Variants in PCIF1 observed in about 807,000 individuals in gnomAD.
PCIF1 encodes mRNA (2'-O-methyladenosine-N(6)-)-methyltransferase.
Under a neutral mutation model 86.9 loss-of-function variants are expected in PCIF1, and 12 were observed. The observed-to-expected ratio is 0.14, with a 90% CI of 0.09 to 0.22. The LOEUF (loss-of-function observed/expected upper bound fraction) is 0.22. Among genes scored for constraint, PCIF1 ranks in the 10% least tolerant of loss-of-function variants. PCIF1 has a pLI of 1.00. For synonymous variants in PCIF1, 397 were observed against 372.0 expected (o/e 1.07, Z -0.77); for missense variants, 701 against 951.1 (o/e 0.74, Z 3.46).
chr20:45,945,578 T>C, intron 11 of PCIF1, 133 bp from the exon 12 acceptor site: 2 of 1,138,154 alleles, frequency 1.8e-6, no homozygotes, highest in Non-Finnish European at 2.4e-6. Context: ...TTCATTCCCT[T>C]TCTACTGAAC....
intron 7 of PCIF1, among the ~76,000 whole-genome samples, chr20:45,941,548 G>A (rs1200838283): frequency 1.3e-5 from 2 of 152,004 alleles, no homozygotes; most frequent in Non-Finnish European, 2.9e-5. Flanking sequence ...CCTCCTCCTG[G>A]GTCCCGGTTC....
intron 7 of PCIF1, 123 bp downstream of exon 7, chr20:45,941,330 C>T (rs2083468027): frequency 1.0e-5 from 12 of 1,150,026 alleles, no homozygotes; most frequent in Non-Finnish European, 1.5e-5. Context: ...CACACCAGTG[C>T]ACTCCAGCCT....
In PCIF1 at chr20:45,947,327, C is replaced by A. The variant is rs1179078263; in HGVS notation, c.1772C>A (p.Pro591His). Residue 591 changes from proline to histidine, a missense_variant, in exon 16 of 17, where the codon CCC becomes CAC. Coordinates refer to ENST00000372409, the MANE Select transcript of PCIF1 (RefSeq NM_022104.4). This position sits in a 1 kb window ranked among gnomAD's most constrained non-coding sequence, Gnocchi z 5.4. The stretch of plus-strand genomic sequence containing the variant: ...GTGTTCATCCCTGAGTGGCGGGAAC[C>A]CCCAACACCAGCGCTCACCCGCATG... Reference protein sequence around the residue: ...FIVFIPEWREPPTPALTRMEQ... With the variant: ...FIVFIPEWREHPTPALTRMEQ... 4.3e-6 allele frequency: 7 copies of A among 1,614,008 alleles called. No homozygotes were observed. Among genetic ancestry groups the A allele is most frequent in the Non-Finnish European group, 5.1e-6 (6 of 1,180,002 alleles).
intron 1 of PCIF1, among the ~76,000 whole-genome samples, chr20:45,935,775 GTATT>G (rs1443133990): frequency 2.6e-5 from 4 of 151,648 alleles, no homozygotes; most frequent in African/African-American, 9.7e-5. Flanking sequence ...CCTCACCTCC[GTATT>G]TATTTCTGGC....
rs186791895 is a variant in PCIF1 at position 45,942,595 on chromosome 20, G to A, written c.674-502G>A. 8.4e-4 allele frequency among the ~76,000 whole-genome samples: 127 copies of A among 152,034 alleles called. No homozygotes were observed. The Middle Eastern group carries it at 0.01, about 12-fold the overall frequency. ...CTCCTGAAGTGCTGGGATTACAGGCGTGAGCCACTGCGCCCAGCCTTTTTA... is the reference window on the plus strand; with the variant it reads ...CTCCTGAAGTGCTGGGATTACAGGCATGAGCCACTGCGCCCAGCCTTTTTA... On this transcript the variant is annotated intron_variant, in intron 7 of 16. Transcript: ENST00000372409.
At position 45,946,072 on chromosome 20, in the gene PCIF1, A is replaced by G. The variant is rs750139303; in HGVS notation, c.1385A>G (p.Glu462Gly). The part of the protein sequence containing the change: ...RYSCIDDSAF[E>G]RFLPRVWCLL... ...AGCTGCATTGATGACTCTGCCTTTG[A>G]GAGGTTCCTGCCCCGGGTCTGGTGT... Residue 462 changes from glutamate to glycine, a missense_variant, in exon 13 of 17, where the codon GAG (glutamate) becomes GGG (glycine). Glu to Gly is a moderately conservative substitution (Grantham distance 98). Coordinates refer to ENST00000372409, the MANE Select transcript of PCIF1 (RefSeq NM_022104.4). 1.9e-6 allele frequency: 3 copies of G among 1,614,078 alleles called. No homozygotes were observed. The highest frequency in any genetic ancestry group is 2.7e-5 in the African/African-American group (2 of 75,018).
intron 2 of PCIF1, 190 bp downstream of exon 2, chr20:45,937,775 C>T (rs2083439092): frequency 2.5e-6 from 1 of 392,452 alleles, no homozygotes; most frequent in South Asian, 1.4e-4. Context: ...GCATTTTTAT[C>T]TGCCAAACTG....
chr20:45,939,463 A>G (rs2083451948), intron 4 of PCIF1, 124 bp downstream of exon 4: 1 of 1,390,690 alleles, frequency 7.2e-7, no homozygotes, highest in Non-Finnish European at 9.8e-7. Context: ...TACAATGACA[A>G]GCAAGACAGA....
chr20:45,939,492 G>GTGCAAGT (rs2083452251), intron 4 of PCIF1, among the ~76,000 whole-genome samples, 153 bp downstream of exon 4: 1 of 152,212 alleles, frequency 6.6e-6, no homozygotes, highest in South Asian at 2.1e-4. Flanking sequence ...CTGCCCTCAT[G>GTGCAAGT]GAACCTACAC....
intron 2 of PCIF1, among the ~76,000 whole-genome samples, chr20:45,938,651 G>A (rs138682677): frequency 2.0e-5 from 3 of 152,304 alleles, no homozygotes; most frequent in African/African-American, 7.2e-5. Flanking sequence ...TACGACAGAG[G>A]TGTTCACGGC....
At chr20:45,939,385 A>G (rs756504515) in intron 4 of PCIF1, 46 bp downstream of exon 4, 1 of 1,608,220 alleles carries the variant, frequency 6.2e-7, no homozygotes, top group Non-Finnish European at 8.5e-7. Flanking sequence ...GGCCTCTGGC[A>G]CCTGGGCCTT....
rs746785031 is a variant in PCIF1, at chr20:45,946,208, C to T, written c.1437C>T (p.Phe479=). ...WCLLRRYQMM[F]GVGLYEGTGL... is the part of the protein sequence containing the mutation. ...CGGTGGCCACTCCGCAGATGATGTT[C>T]GGCGTGGGCCTCTACGAGGGGACTG... Residue 479 remains phenylalanine (F), a synonymous_variant, in exon 14 of 17, where the codon TTC becomes TTT. Transcript: ENST00000372409. The T allele has an allele frequency of 6.2e-6, 10 of 1,614,174 alleles. No individual in the cohort carries two copies. Among genetic ancestry groups the T allele is most frequent in the East Asian group, 4.5e-5 (2 of 44,888 alleles).
chr20:45,941,027 C>G, intron 6 of PCIF1, 26 bp from the exon 7 acceptor site: 1 of 1,614,170 alleles, frequency 6.2e-7, no homozygotes, highest in Non-Finnish European at 8.5e-7. Flanking sequence ...GCAGGACATC[C>G]TCATCACTCC....
chr20:45,943,811 C>A lies in PCIF1; in HGVS notation c.1005+46C>A. 6.8e-7 allele frequency: 1 copy of A among 1,478,804 alleles called. No homozygotes were observed. The highest frequency in any genetic ancestry group is 9.2e-7 in the Non-Finnish European group (1 of 1,084,662). The allele number at this position is 1,478,804 out of a possible 1,614,324, so 91.6% of individuals were successfully genotyped here. ...GAAGGCCAGTTTTAGGGCTCTGTGG[C>A]CACTTCCTCCAGGAAGCCTACTCTG... On this transcript the variant is annotated intron_variant, in intron 10 of 16. Coordinates refer to ENST00000372409, the MANE Select transcript of PCIF1 (RefSeq NM_022104.4). The surrounding 1 kb of genome is among the most constrained non-coding windows in gnomAD (Gnocchi z 5.5).
At chr20:45,940,720 T>C in intron 5 of PCIF1, 89 bp from the exon 6 acceptor site, 26 of 1,569,120 alleles carry the variant, frequency 1.7e-5, no homozygotes, top group Non-Finnish European at 2.2e-5. Context: ...GAGGGGGGCC[T>C]GGGACACAGT....
chr20:45,936,319 C>T (rs1001315080), intron 1 of PCIF1, among the ~76,000 whole-genome samples: 1 of 150,114 alleles, frequency 6.7e-6, no homozygotes, highest in Non-Finnish European at 1.5e-5. Context: ...GGACTACAGG[C>T]TCCCGCCACC....
Position 45,934,707 on chromosome 20 carries a change from G to A in PCIF1, c.-285G>A, listed in dbSNP as rs182962162. 9.8e-5 allele frequency: 39 copies of A among 398,842 alleles called. No individual in the cohort carries two copies. The highest frequency in any genetic ancestry group is 2.6e-4 in the Admixed American group (6 of 22,730). The allele number at this position is 398,842 out of a possible 1,614,324, so 24.7% of individuals were successfully genotyped here. On this transcript the variant is annotated 5_prime_UTR_variant, in exon 1 of 17. Coordinates refer to ENST00000372409, the MANE Select transcript of PCIF1 (RefSeq NM_022104.4). ...CGCGGAGTCCCGGCCCGGGACACAA[G>A]ATGGCGGCAGCGGCGCTGGGGAGGG...
chr20:45,944,795 C>T, intron 10 of PCIF1, 73 bp from the exon 11 acceptor site: 1 of 1,526,012 alleles, frequency 6.6e-7, no homozygotes, highest in South Asian at 1.2e-5. Context: ...TCCAACAGCC[C>T]TGCGGTTACC....
In PCIF1 at chr20:45,947,761, C is replaced by T. The variant is rs761397024; in HGVS notation, c.*6C>T. The stretch of plus-strand genomic sequence containing the variant: ...GCGAGCCTCACCCCACTTAACATAT[C>T]CTGCGGGGAGGAGGAGCCCCAGGGG... On this transcript the variant is annotated 3_prime_UTR_variant, in exon 17 of 17. Transcript: ENST00000372409. The surrounding 1 kb of genome is among the most constrained non-coding windows in gnomAD (Gnocchi z 5.4). The T allele has an allele frequency of 1.9e-6, 3 of 1,593,602 alleles. No homozygotes were observed. The highest frequency in any genetic ancestry group is 2.6e-6 in the Non-Finnish European group (3 of 1,171,870).
Sources: gnomAD v4.1 joint callset for allele counts (sites outside exome capture counted in the v4.1 genomes callset) on GRCh38, gnomAD v4.1.1 for gene constraint, Gnocchi (gnomAD v3.1) non-coding constraint, MANE v1.5 for transcripts, NCBI Gene and HGNC (gene_info 2026-07-23, HGNC 2026-07-21) for gene names.